Variants in LRRTM4 observed in about 807,000 individuals in gnomAD.
LRRTM4 encodes the protein leucine rich repeat transmembrane neuronal 4.
A neutral mutation model predicts 47.6 loss-of-function variants in LRRTM4; 25 were observed. The ratio of observed to expected loss-of-function variants is 0.53; its 90% confidence interval spans 0.38 to 0.73. The LOEUF (loss-of-function observed/expected upper bound fraction) is 0.73. Among genes scored for constraint, LRRTM4 ranks in the 30% least tolerant of loss-of-function variants. LRRTM4 has a pLI of 0.00. For synonymous variants in LRRTM4, 311 were observed against 269.5 expected, an observed-to-expected ratio of 1.15 and a Z score of -1.51; for missense variants, 638 against 713.4, an observed-to-expected ratio of 0.89 and a Z score of 1.20.
chr2:77,047,080 G>A (rs2103758551), intron 3 of LRRTM4, among the ~76,000 whole-genome samples: 1 of 152,146 alleles, frequency 6.6e-6, no homozygotes, highest in East Asian at 1.9e-4. Context: ...CAGTTTGGGA[G>A]TAATCTTTAC....
At chr2:76,889,375 T>C (rs17013284) in intron 3 of LRRTM4, among the ~76,000 whole-genome samples, 11,219 of 151,990 alleles carry the variant, frequency 0.074, 916 homozygotes, top group African/African-American at 0.2. Flanking sequence ...TTTGTCCATA[T>C]AGTCTTAAAG....
intron 3 of LRRTM4, among the ~76,000 whole-genome samples, chr2:76,998,444 A>G (rs116322275): frequency 0.047 from 7,176 of 152,066 alleles, 368 homozygotes; most frequent in East Asian, 0.14. Flanking sequence ...ATTATAATCA[A>G]TTTGAGTGCT....
chr2:76,902,563 C>T (rs540232340), intron 3 of LRRTM4, among the ~76,000 whole-genome samples: 30 of 152,208 alleles, frequency 2.0e-4, no homozygotes, highest in African/African-American at 6.7e-4. Context: ...GGGGATAGAA[C>T]TAGAAGATGG....
At chr2:76,962,071 T>G (rs1675878296) in intron 3 of LRRTM4, among the ~76,000 whole-genome samples, 1 of 151,218 alleles carries the variant, frequency 6.6e-6, no homozygotes, top group Admixed American at 6.6e-5. Context: ...TCTAAGCCCT[T>G]ATAGAGTCTC....
chr2:77,468,117 T>C (rs970829476), intron 3 of LRRTM4, among the ~76,000 whole-genome samples: 1 of 152,206 alleles, frequency 6.6e-6, no homozygotes, highest in East Asian at 1.9e-4. Flanking sequence ...GTGACGATGA[T>C]GTGGTATTTG....
chr2:77,066,502 C>A (rs936088211), intron 3 of LRRTM4, among the ~76,000 whole-genome samples: 2 of 152,130 alleles, frequency 1.3e-5, no homozygotes, highest in African/African-American at 2.4e-5. Flanking sequence ...CACTAAGACA[C>A]ACAAAAACCC....
intron 3 of LRRTM4, among the ~76,000 whole-genome samples, chr2:77,107,971 A>T (rs114046827): frequency 0.014 from 2,176 of 152,214 alleles, 49 homozygotes; most frequent in African/African-American, 0.05. Flanking sequence ...AGATATGATG[A>T]AGTTTTGCTC....
chr2:77,362,311 G>C (rs1267818104), intron 3 of LRRTM4, among the ~76,000 whole-genome samples: 1 of 152,022 alleles, frequency 6.6e-6, no homozygotes, highest in Non-Finnish European at 1.5e-5. Flanking sequence ...TTATTTCTTG[G>C]ACAGAAGAAG....
At chr2:76,959,309 ACCTAGCATGCCCT>A (rs1675776107) in intron 3 of LRRTM4, among the ~76,000 whole-genome samples, 1 of 151,542 alleles carries the variant, frequency 6.6e-6, no homozygotes, top group Admixed American at 6.6e-5. Context: ...GAATATAGGG[ACCTAGCATGCCCT>A]TCCTAGAAAA....
intron 3 of LRRTM4, among the ~76,000 whole-genome samples, chr2:76,890,173 T>A (rs1673206555): frequency 6.6e-6 from 1 of 151,994 alleles, no homozygotes; most frequent in Admixed American, 6.6e-5. Context: ...AATAATTTTA[T>A]GCTGAGAATG....
intron 3 of LRRTM4, among the ~76,000 whole-genome samples, chr2:77,488,384 A>G (rs949134539): frequency 6.6e-6 from 1 of 151,800 alleles, no homozygotes; most frequent in Non-Finnish European, 1.5e-5. Context: ...TCACTCATAC[A>G]CCCCTTGCTA....
intron 3 of LRRTM4, among the ~76,000 whole-genome samples, chr2:77,187,637 A>G (rs560836127): frequency 6.6e-6 from 1 of 152,284 alleles, no homozygotes; most frequent in East Asian, 1.9e-4. Context: ...TAAAAAAACA[A>G]AAAACAAAAT....
intron 3 of LRRTM4, among the ~76,000 whole-genome samples, chr2:77,287,810 T>A (rs1366462402): frequency 6.6e-6 from 1 of 152,140 alleles, no homozygotes; most frequent in African/African-American, 2.4e-5. Flanking sequence ...GATTTATAAA[T>A]TAAACTTTAT....
chr2:77,372,225 A>G (rs953249073), intron 3 of LRRTM4, among the ~76,000 whole-genome samples: 1 of 151,800 alleles, frequency 6.6e-6, no homozygotes, highest in Non-Finnish European at 1.5e-5. Context: ...ATTAATCTCT[A>G]CCTTCCAAGG....
At chr2:77,480,812 GTGT>G (rs1573472242) in intron 3 of LRRTM4, among the ~76,000 whole-genome samples, 1 of 132,892 alleles carries the variant, frequency 7.5e-6, no homozygotes, top group East Asian at 2.3e-4. Flanking sequence ...GTGTGTGTGT[GTGT>G]GTGTGTGGAG....
chr2:76,875,771 C>A (rs1259210329), intron 3 of LRRTM4, among the ~76,000 whole-genome samples: 3 of 152,068 alleles, frequency 2.0e-5, no homozygotes, highest in Non-Finnish European at 4.4e-5. Context: ...TGGTTTCCAC[C>A]CATGGTTTGC....
intron 3 of LRRTM4, among the ~76,000 whole-genome samples, chr2:77,080,083 T>C (rs753983944): frequency 1.3e-5 from 2 of 152,208 alleles, no homozygotes; most frequent in Non-Finnish European, 2.9e-5. Context: ...ACTTTAAAAT[T>C]ACTCTCATTA....
chr2:77,362,422 G>A (rs1672278898), intron 3 of LRRTM4, among the ~76,000 whole-genome samples: 1 of 152,158 alleles, frequency 6.6e-6, no homozygotes, highest in South Asian at 2.1e-4. Context: ...AAATAAACCA[G>A]TCAGAAATCA....
intron 3 of LRRTM4, among the ~76,000 whole-genome samples, chr2:76,955,282 T>C (rs570958632): frequency 6.6e-6 from 1 of 151,806 alleles, no homozygotes; most frequent in Non-Finnish European, 1.5e-5. Context: ...AATAGGTCAA[T>C]TGACACACAA....
Sources: gnomAD v4.1 joint callset for allele counts (sites outside exome capture counted in the v4.1 genomes callset) on GRCh38, gnomAD v4.1.1 for gene constraint, MANE v1.5 for transcripts, NCBI Gene and HGNC (gene_info 2026-07-23, HGNC 2026-07-21) for gene names.